The following NAALADL2 variants were observed in gnomAD, a reference collection of about 807,000 sequenced individuals.
NAALADL2 encodes the protein N-acetylated alpha-linked acidic dipeptidase like 2.
Under a neutral mutation model 87.2 loss-of-function variants are expected in NAALADL2, and 76 were observed. The observed-to-expected ratio is 0.87, with a 90% CI of 0.72 to 1.05. The LOEUF (loss-of-function observed/expected upper bound fraction) is 1.05, where lower values mean the gene tolerates loss of function less well. Ranked by LOEUF, NAALADL2 falls within the 50% of genes least tolerant of loss-of-function variation. The pLI is 0.00. For synonymous variants in NAALADL2, 354 were observed against 331.0 expected (o/e 1.07, Z -0.75); for missense variants, 1,089 against 945.8 (o/e 1.15, Z -1.99).
At chr3:175,216,915 C>T (rs1052872689) in intron 2 of NAALADL2, among the ~76,000 whole-genome samples, 5 of 152,134 alleles carry the variant, frequency 3.3e-5, no homozygotes, top group African/African-American at 9.7e-5. Flanking sequence ...GATCTGCCCG[C>T]CTCAGCCTCC....
At chr3:174,847,127 A>G (rs1724711184) in intron 3 of NAALADL2, among the ~76,000 whole-genome samples, 1 of 152,178 alleles carries the variant, frequency 6.6e-6, no homozygotes, top group Non-Finnish European at 1.5e-5. Context: ...AGAAAATACA[A>G]TATGTTGGGC....
At chr3:174,475,066 AG>A (rs1180631700) in intron 1 of NAALADL2, among the ~76,000 whole-genome samples, 1 of 151,956 alleles carries the variant, frequency 6.6e-6, no homozygotes, top group Non-Finnish European at 1.5e-5. Flanking sequence ...AATTTTTCTT[AG>A]GCAGAAGAAA....
rs76647615 is a variant in NAALADL2, at chr3:174,642,651, G to A, written c.-115+92014G>A. Among the ~76,000 whole-genome samples the A allele has an allele frequency of 7.0e-3, 1,059 of 150,938 alleles. 8 individuals carry two copies. The highest frequency in any genetic ancestry group is 0.025 in the African/African-American group (1,007 of 41,084). ...CTTCCTTGGGCTAATAAGAACCATTGTCAGAGACCTCTTGCAGTCTTGGTT... is the reference window on the plus strand; with the variant it reads ...CTTCCTTGGGCTAATAAGAACCATTATCAGAGACCTCTTGCAGTCTTGGTT... On this transcript the variant is annotated intron_variant, in intron 2 of 3. Coordinates refer to the NAALADL2 transcript ENST00000434257.
At chr3:175,626,960 G>C (rs1727075565) in intron 10 of NAALADL2, among the ~76,000 whole-genome samples, 1 of 151,812 alleles carries the variant, frequency 6.6e-6, no homozygotes, top group Non-Finnish European at 1.5e-5. Flanking sequence ...TAGATGATTA[G>C]ATGATTTTTT....
At chr3:175,413,947 A>C (rs1177797127) in intron 5 of NAALADL2, among the ~76,000 whole-genome samples, 6 of 152,094 alleles carry the variant, frequency 3.9e-5, no homozygotes, top group Non-Finnish European at 7.4e-5. Context: ...CAGGCTTGAG[A>C]GTTGGGGCCT....
chr3:174,658,638 T>C (rs1489491831), intron 2 of NAALADL2, among the ~76,000 whole-genome samples: 3 of 152,198 alleles, frequency 2.0e-5, no homozygotes, highest in African/African-American at 7.2e-5. Context: ...GTGAGAAATT[T>C]TACCTTAACA....
At chr3:174,727,985 A>G (rs1250049789) in intron 2 of NAALADL2, among the ~76,000 whole-genome samples, 1 of 152,084 alleles carries the variant, frequency 6.6e-6, no homozygotes, top group African/African-American at 2.4e-5. Flanking sequence ...TAGCCTTTTC[A>G]GATTGGCTTC....
At chr3:175,017,329 T>C (rs959443353) in intron 1 of NAALADL2, among the ~76,000 whole-genome samples, 3 of 152,108 alleles carry the variant, frequency 2.0e-5, no homozygotes, top group African/African-American at 7.2e-5. Context: ...ATACTTTATA[T>C]ATTCTGTTGC....
At chr3:175,005,198 A>G (rs918515637) in intron 1 of NAALADL2, among the ~76,000 whole-genome samples, 1 of 152,186 alleles carries the variant, frequency 6.6e-6, no homozygotes, top group Non-Finnish European at 1.5e-5. Flanking sequence ...TGGGATAGAT[A>G]CTATTATTAT....
intron 3 of NAALADL2, among the ~76,000 whole-genome samples, chr3:174,839,036 A>C (rs1723702477): frequency 6.6e-6 from 1 of 152,220 alleles, no homozygotes; most frequent in Admixed American, 6.5e-5. Flanking sequence ...CCGCATAGCC[A>C]AAGCAAGACT....
At chr3:175,407,791 T>C (rs945610691) in intron 5 of NAALADL2, among the ~76,000 whole-genome samples, 3 of 152,212 alleles carry the variant, frequency 2.0e-5, no homozygotes, top group Non-Finnish European at 4.4e-5. Flanking sequence ...GCCAATAAGC[T>C]ATAGTGAACC....
intron 1 of NAALADL2, among the ~76,000 whole-genome samples, chr3:174,520,693 A>G (rs2108410777): frequency 6.6e-6 from 1 of 152,356 alleles, no homozygotes; most frequent in Middle Eastern, 3.4e-3. Flanking sequence ...AACAAAAAGA[A>G]AAATAGACAA....
rs1366878041 is a variant in NAALADL2 at position 175,133,256 on chromosome 3, G to A, written c.545+35965G>A. Among the ~76,000 whole-genome samples the A allele has an allele frequency of 5.3e-5, 8 of 151,448 alleles. No individual in the cohort carries two copies. In the East Asian group the frequency reaches 1.6e-3, roughly 30 times the overall value. ...TTCCAGACTGGGCAGCCAGGCAGAG[G>A]GGCTCCTCACATCCCAGACGATGGG... is the stretch of plus-strand genomic sequence containing the variant. On this transcript the variant is annotated intron_variant, in intron 2 of 13. Coordinates refer to ENST00000454872, the MANE Select transcript of NAALADL2 (RefSeq NM_207015.3).
intron 1 of NAALADL2, among the ~76,000 whole-genome samples, chr3:174,996,173 A>G (rs530194870): frequency 5.9e-5 from 9 of 152,144 alleles, no homozygotes; most frequent in Non-Finnish European, 8.8e-5. Context: ...TACTAGTTCT[A>G]TTTACCTATA....
At chr3:175,030,866 C>G (rs1396985020) in intron 1 of NAALADL2, among the ~76,000 whole-genome samples, 2 of 151,826 alleles carry the variant, frequency 1.3e-5, no homozygotes, top group Non-Finnish European at 2.9e-5. Context: ...TGGATTGTAT[C>G]TATTTATTTG....
In NAALADL2 at chr3:175,584,251, A is replaced by C. The variant is rs532039236; in HGVS notation, c.1800+8064A>C. 2.0e-5 allele frequency among the ~76,000 whole-genome samples: 3 copies of C among 152,140 alleles called. No individual in the cohort carries two copies. In the East Asian group the frequency reaches 5.8e-4, roughly 29 times the overall value. On this transcript the variant is annotated intron_variant, in intron 10 of 13. Coordinates refer to ENST00000454872, the MANE Select transcript of NAALADL2 (RefSeq NM_207015.3). Reference sequence around the variant, plus strand: ...TGGGGTATCACCATGTTGCCAGGCCAGTCTCGAACTCCTGACCTCAGGTCA... The same window carrying C: ...TGGGGTATCACCATGTTGCCAGGCCCGTCTCGAACTCCTGACCTCAGGTCA...
chr3:175,131,489 GATA>G (rs1445017981), intron 2 of NAALADL2, among the ~76,000 whole-genome samples: 1 of 151,978 alleles, frequency 6.6e-6, no homozygotes, highest in African/African-American at 2.4e-5. Flanking sequence ...AGATCAACAG[GATA>G]ATAATTTTTC....
chr3:174,477,371 G>A (rs551430343), intron 1 of NAALADL2, among the ~76,000 whole-genome samples: 6 of 152,138 alleles, frequency 3.9e-5, no homozygotes, highest in South Asian at 2.1e-4. Context: ...ATAAAACCAC[G>A]TGGCAGAGGT....
chr3:175,406,456 G>A (rs115715751), intron 5 of NAALADL2, among the ~76,000 whole-genome samples: 5 of 152,228 alleles, frequency 3.3e-5, no homozygotes, highest in East Asian at 1.9e-4. Context: ...CATTAAAAAG[G>A]TGGGACTGCC....
Sources: gnomAD v4.1 joint callset for allele counts (sites outside exome capture counted in the v4.1 genomes callset) on GRCh38, gnomAD v4.1.1 for gene constraint, MANE v1.5 for transcripts, NCBI Gene and HGNC (gene_info 2026-07-23, HGNC 2026-07-21) for gene names.